C13orf42: variants seen among roughly 807,000 people sequenced by gnomAD.
The protein encoded by C13orf42 is chromosome 13 open reading frame 42.
intron 1 of C13orf42, among the ~76,000 whole-genome samples, chr13:51,120,503 T>C (rs1953526084): frequency 6.6e-6 from 1 of 152,196 alleles, no homozygotes; most frequent in South Asian, 2.1e-4. Flanking sequence ...TTAAATGAGA[T>C]TCAACCTTTT....
intron 1 of C13orf42, among the ~76,000 whole-genome samples, chr13:51,137,075 G>A (rs1402082421): frequency 6.6e-6 from 1 of 152,196 alleles, no homozygotes; most frequent in African/African-American, 2.4e-5. Context: ...GTGTGTTTGT[G>A]TGTTTGTGTG....
intron 2 of C13orf42, among the ~76,000 whole-genome samples, chr13:51,087,490 CGTT>C (rs1953140922): frequency 6.6e-6 from 1 of 152,250 alleles, no homozygotes; most frequent in Non-Finnish European, 1.5e-5. Flanking sequence ...AGTATATTCA[CGTT>C]GTTTTGCAAG....
chr13:51,086,674 T>A (rs1953131159), intron 2 of C13orf42, among the ~76,000 whole-genome samples: 1 of 152,196 alleles, frequency 6.6e-6, no homozygotes, highest in Non-Finnish European at 1.5e-5. Flanking sequence ...GGTCATTTCA[T>A]GAACTTAATA....
intron 1 of C13orf42, among the ~76,000 whole-genome samples, chr13:51,131,505 C>A (rs1038111184): frequency 7.2e-5 from 11 of 152,128 alleles, no homozygotes; most frequent in Non-Finnish European, 1.5e-4. Flanking sequence ...GGCCTAGGAC[C>A]CCACCAAGTT....
chr13:51,159,105 G>C (rs1230928690), intron 1 of C13orf42, among the ~76,000 whole-genome samples: 2 of 152,144 alleles, frequency 1.3e-5, no homozygotes, highest in Non-Finnish European at 2.9e-5. Context: ...ACTTTTGCCA[G>C]TTCTGAGTCA....
chr13:51,107,564 TGGAG>T (rs1231466399), intron 1 of C13orf42, among the ~76,000 whole-genome samples: 1 of 152,218 alleles, frequency 6.6e-6, no homozygotes, highest in South Asian at 2.1e-4. Context: ...TGCATCCGGA[TGGAG>T]GGAGGGAGGG....
chr13:51,119,476 G>A (rs1481980857), intron 1 of C13orf42, among the ~76,000 whole-genome samples: 1 of 152,040 alleles, frequency 6.6e-6, no homozygotes, highest in East Asian at 1.9e-4. Flanking sequence ...GAGTGAGAGG[G>A]GAAATCGCCA....
intron 1 of C13orf42, among the ~76,000 whole-genome samples, chr13:51,157,196 G>A (rs1331695775): frequency 1.3e-5 from 2 of 152,178 alleles, no homozygotes; most frequent in Non-Finnish European, 2.9e-5. Flanking sequence ...CACTTTGGGA[G>A]GCCGAGGCGG....
At chr13:51,140,662 T>A (rs1953688971) in intron 1 of C13orf42, among the ~76,000 whole-genome samples, 1 of 152,172 alleles carries the variant, frequency 6.6e-6, no homozygotes, top group African/African-American at 2.4e-5. Context: ...CTCCTCATTA[T>A]TATTATTATT....
At chr13:51,120,228 A>G (rs574559138) in intron 1 of C13orf42, among the ~76,000 whole-genome samples, 2 of 152,296 alleles carry the variant, frequency 1.3e-5, no homozygotes, top group South Asian at 2.1e-4. Context: ...ACTGAATCCT[A>G]TAACTTTACC....
intron 1 of C13orf42, among the ~76,000 whole-genome samples, chr13:51,120,188 C>T (rs185757166): frequency 1.3e-3 from 192 of 152,286 alleles, no homozygotes; most frequent in African/African-American, 4.5e-3. Flanking sequence ...GCACTGACTA[C>T]GTATGCTGGG....
intron 1 of C13orf42, among the ~76,000 whole-genome samples, chr13:51,144,832 T>C (rs951387591): frequency 1.3e-5 from 2 of 152,200 alleles, no homozygotes; most frequent in African/African-American, 4.8e-5. Context: ...TTATCTGAGA[T>C]TCCTCCTATG....
At chr13:51,107,472 T>C (rs1467146518) in intron 1 of C13orf42, among the ~76,000 whole-genome samples, 1 of 152,280 alleles carries the variant, frequency 6.6e-6, no homozygotes, top group South Asian at 2.1e-4. Flanking sequence ...TGGATTCTAA[T>C]CAAAATAGTT....
Position 51,160,118 on chromosome 13 carries a change from A to G in C13orf42, n.136+12135T>C, listed in dbSNP as rs117197603. Among the ~76,000 whole-genome samples, 477 of 152,316 alleles carry G rather than the reference A, an allele frequency of 3.1e-3. 1 individual carries two copies. Among genetic ancestry groups the G allele is most frequent in the Non-Finnish European group, 5.3e-3 (359 of 68,018 alleles). ...ACACGTGGGACTTATGTGAGATACA[A>G]TTCAAGTTGAGATTTGGGTGGGGAC... On this transcript the variant is annotated intron_variant and non_coding_transcript_variant, in intron 1 of 4. Transcript: ENST00000433280.
intron 1 of C13orf42, among the ~76,000 whole-genome samples, chr13:51,145,697 G>A (rs1188384475): frequency 1.4e-5 from 2 of 145,186 alleles, no homozygotes; most frequent in Non-Finnish European, 3.0e-5. Context: ...GCCTCCTTTG[G>A]AAAGACTAAT....
chr13:51,158,494 G>A (rs1953840007), intron 1 of C13orf42, among the ~76,000 whole-genome samples: 1 of 152,250 alleles, frequency 6.6e-6, no homozygotes, highest in South Asian at 2.1e-4. Flanking sequence ...CTCACTAGAG[G>A]TGAGCTGCCA....
intron 1 of C13orf42, among the ~76,000 whole-genome samples, chr13:51,150,099 A>T (rs1953767646): frequency 6.6e-6 from 1 of 152,276 alleles, no homozygotes; most frequent in Non-Finnish European, 1.5e-5. Flanking sequence ...TTGAAGTGCC[A>T]TAACAGAATT....
intron 1 of C13orf42, among the ~76,000 whole-genome samples, chr13:51,104,450 G>T (rs1405808990): frequency 6.6e-6 from 1 of 152,184 alleles, no homozygotes; most frequent in East Asian, 1.9e-4. Flanking sequence ...ACTCTGGGAG[G>T]CTGAGGTGGG....
intron 1 of C13orf42, among the ~76,000 whole-genome samples, chr13:51,089,415 C>T (rs1038537136): frequency 6.6e-6 from 1 of 152,082 alleles, no homozygotes; most frequent in Admixed American, 6.5e-5. Context: ...AGGGAGAGAC[C>T]TGGTGGGAGG....
Sources: allele counts gnomAD v4.1 joint callset (sites outside exome capture counted in the v4.1 genomes callset), GRCh38; gene constraint gnomAD v4.1.1; transcripts MANE v1.5; gene names NCBI Gene and HGNC (gene_info 2026-07-23, HGNC 2026-07-21).